FRMPD3: variants seen among roughly 807,000 people sequenced by gnomAD.
The protein encoded by FRMPD3 is FERM and PDZ domain-containing protein 3.
Under a neutral mutation model 97.9 loss-of-function variants are expected in FRMPD3, and 42 were observed. That is an observed-to-expected ratio of 0.43 (90% confidence interval 0.34 to 0.55). FRMPD3 has a LOEUF of 0.55. Among genes scored for constraint, FRMPD3 ranks in the 20% least tolerant of loss-of-function variants. The pLI, the probability that FRMPD3 is intolerant of heterozygous loss-of-function variation, is 0.03. For missense variants in FRMPD3, 1,303 were observed against 1,457.7 expected (o/e 0.89, Z 1.73); for synonymous variants, 577 against 581.1 (o/e 0.99, Z 0.10).
At chrX:107,567,308 A>T (rs1454281626) in intron 12 of FRMPD3, among the ~76,000 whole-genome samples, 2 of 111,965 alleles carry the variant, frequency 1.8e-5, no homozygotes, top group Non-Finnish European at 3.8e-5. Context: ...TAAATGAAAA[A>T]ATGTACATAA....
intron 5 of FRMPD3, among the ~76,000 whole-genome samples, chrX:107,549,188 C>G (rs1383514203): frequency 2.7e-5 from 3 of 110,202 alleles, no homozygotes; most frequent in East Asian, 5.7e-4. Flanking sequence ...GGCATGGTGA[C>G]TCTCGCCTGT....
intron 1 of FRMPD3, among the ~76,000 whole-genome samples, chrX:107,475,974 C>T (rs1921189470): frequency 8.9e-6 from 1 of 112,380 alleles, no homozygotes; most frequent in South Asian, 3.7e-4. Context: ...ACCTCCGCCT[C>T]CTGGGTTCAA....
At position 107,597,948 on chromosome X, in the gene FRMPD3, G is replaced by A; in HGVS notation, c.2069G>A (p.Ser690Asn). The A allele has an allele frequency of 8.3e-7, 1 of 1,210,881 alleles. No individual in the cohort carries two copies. The highest frequency in any genetic ancestry group is 1.1e-6 in the Non-Finnish European group (1 of 895,451). ...EDDPKRRAVQ[S>N]QEQGRHLRGL... ...GACCCCAAGCGCCGGGCTGTCCAGA[G>A]CCAGGAACAAGGACGCCACCTGCGT... is the stretch of plus-strand genomic sequence containing the variant. Residue 690 changes from serine (S) to asparagine (N), a missense_variant, in exon 14 of 15, where the codon AGC (serine) becomes AAC (asparagine). Physicochemically the swap from Ser to Asn is conservative, Grantham distance 46. Around this residue, in one of 3 missense-constraint regions of FRMPD3, gnomAD observed 535 missense variants for 618.6 expected, o/e 0.86. Coordinates refer to ENST00000683843, the MANE Select transcript of FRMPD3 (RefSeq NM_001388459.1).
chrX:107,599,349 G>A (rs754500890), intron 14 of FRMPD3, among the ~76,000 whole-genome samples: 1 of 111,838 alleles, frequency 8.9e-6, no homozygotes, highest in Non-Finnish European at 1.9e-5. Flanking sequence ...TAGGGACCAC[G>A]AGGGATTGGG....
chrX:107,563,352 A>G (rs972514735), intron 11 of FRMPD3, among the ~76,000 whole-genome samples, 152 bp downstream of exon 11: 1 of 111,919 alleles, frequency 8.9e-6, no homozygotes, highest in Admixed American at 9.4e-5. Flanking sequence ...GCCTCTGCCA[A>G]AATGATAAAG....
At chrX:107,480,509 G>A (rs1384035411) in intron 1 of FRMPD3, among the ~76,000 whole-genome samples, 1 of 110,666 alleles carries the variant, frequency 9.0e-6, no homozygotes, top group Non-Finnish European at 1.9e-5. Flanking sequence ...GGTGATTGTG[G>A]TTTCTATGTG....
At chrX:107,517,291 G>A (rs1443348406) in intron 1 of FRMPD3, among the ~76,000 whole-genome samples, 1 of 111,993 alleles carries the variant, frequency 8.9e-6, no homozygotes, top group Non-Finnish European at 1.9e-5. Flanking sequence ...TGTAGACAGG[G>A]TAGTGTATAG....
At chrX:107,557,601 A>G (rs377058563) in intron 8 of FRMPD3, among the ~76,000 whole-genome samples, 1 of 103,511 alleles carries the variant, frequency 9.7e-6, no homozygotes, top group South Asian at 4.5e-4. Flanking sequence ...ACAGTTTTAT[A>G]TTTAGGCCTA....
At chrX:107,478,355 G>A (rs950660627) in intron 1 of FRMPD3, among the ~76,000 whole-genome samples, 3 of 111,283 alleles carry the variant, frequency 2.7e-5, no homozygotes, top group African/African-American at 9.8e-5. Flanking sequence ...CTGAGGCCCA[G>A]AGAGGTAAGG....
At position 107,538,540 on chromosome X, in the gene FRMPD3, TAAAA is replaced by T. The variant is rs55749241; in HGVS notation, c.297+5012_297+5015del. On this transcript the variant is annotated intron_variant, in intron 4 of 14. Transcript: ENST00000683843. The stretch of plus-strand genomic sequence containing the variant: ...ATGTGGCCTAGGAATCTATATTTGT[TAAAA>T]AAAAAAAAAAAAAAAAAAAAACCAC... 1.7e-3 allele frequency among the ~76,000 whole-genome samples: 111 copies of T among 63,768 alleles called. 1 individual carries two copies. Among genetic ancestry groups the T allele is most frequent in the African/African-American group, 5.8e-3 (100 of 17,129 alleles). 55.4% of individuals were successfully genotyped at this position (63,768 alleles called of 115,157 possible).
At chrX:107,463,150 C>G (rs1931505269) in intron 1 of FRMPD3, among the ~76,000 whole-genome samples, 1 of 112,376 alleles carries the variant, frequency 8.9e-6, no homozygotes, top group African/African-American at 3.2e-5. Flanking sequence ...ATTATATGAT[C>G]ATATCAAAGT....
At chrX:107,550,672 A>G (rs1921825865) in intron 6 of FRMPD3, among the ~76,000 whole-genome samples, 1 of 111,243 alleles carries the variant, frequency 9.0e-6, no homozygotes, top group Non-Finnish European at 1.9e-5. Context: ...AGGAAGAGCA[A>G]TTACTGAGCT....
At chrX:107,553,436 C>A (rs1385872334) in intron 7 of FRMPD3, among the ~76,000 whole-genome samples, 3 of 108,267 alleles carry the variant, frequency 2.8e-5, no homozygotes, top group Non-Finnish European at 5.8e-5. Flanking sequence ...GAAAAAGTAT[C>A]CGGTCTTCCT....
In FRMPD3 at chrX:107,601,557, TGAG is replaced by T; in HGVS notation, c.3520_3522del (p.Arg1174del). 8.4e-7 allele frequency: 1 copy of T among 1,194,512 alleles called. No individual in the cohort carries two copies. Among genetic ancestry groups the T allele is most frequent in the South Asian group, 1.8e-5 (1 of 54,998 alleles). ...TGCCAACCTCGAGGCCAGAGCCCAC[TGAG>T]GTCTCAGGCTGCCAGCCGGCAGGTG... is the stretch of plus-strand genomic sequence containing the variant. On this transcript the variant is annotated inframe_deletion, in exon 15 of 15. Coordinates refer to ENST00000683843, the MANE Select transcript of FRMPD3 (RefSeq NM_001388459.1).
chrX:107,465,882 A>G, intron 1 of FRMPD3, among the ~76,000 whole-genome samples: 1 of 111,922 alleles, frequency 8.9e-6, no homozygotes, highest in African/African-American at 3.2e-5. Context: ...AAAAAAAAAA[A>G]GAAAAAAAAA....
rs747845251 is a variant in FRMPD3, at chrX:107,516,685, C to T, written c.-7-9897C>T. Among the ~76,000 whole-genome samples the T allele has an allele frequency of 1.3e-3, 138 of 110,218 alleles. 3 individuals are homozygous for T. The South Asian group carries it at 0.044, about 35-fold the overall frequency. ...TGCATAAATGTCTTCTTTTGAGAAGCGTCTGTTCATATCCTTCGCCCACTT... is the reference window on the plus strand; with the variant it reads ...TGCATAAATGTCTTCTTTTGAGAAGTGTCTGTTCATATCCTTCGCCCACTT... On this transcript the variant is annotated intron_variant, in intron 1 of 14. Coordinates refer to ENST00000683843, the MANE Select transcript of FRMPD3 (RefSeq NM_001388459.1).
chrX:107,531,111 TACACACACACACACAC>T (rs35430860), intron 3 of FRMPD3, among the ~76,000 whole-genome samples: 5 of 93,598 alleles, frequency 5.3e-5, no homozygotes, highest in Non-Finnish European at 8.7e-5. Context: ...CTGTGCACAT[TACACACACACACACAC>T]ACACACACAC....
chrX:107,475,078 ATGTGTATGTG>A (rs373265227), intron 1 of FRMPD3, among the ~76,000 whole-genome samples: 82 of 111,957 alleles, frequency 7.3e-4, no homozygotes, highest in African/African-American at 2.5e-3. Context: ...GTGTCTGAAT[ATGTGTATGTG>A]TGTGTGTGTG....
At chrX:107,531,307 A>G (rs749451090) in intron 3 of FRMPD3, among the ~76,000 whole-genome samples, 8 of 109,685 alleles carry the variant, frequency 7.3e-5, no homozygotes, top group Non-Finnish European at 1.5e-4. Flanking sequence ...AACCATGTAC[A>G]TGCTCGCTCT....
Sources: gnomAD v4.1 joint callset for allele counts (sites outside exome capture counted in the v4.1 genomes callset) on GRCh38, gnomAD v4.1.1 for gene constraint, gnomAD v4.1.1 regional missense constraint, MANE v1.5 for transcripts, NCBI Gene and HGNC (gene_info 2026-07-23, HGNC 2026-07-21) for gene names.